The following DLGAP2 variants were observed in gnomAD, a reference collection of about 807,000 sequenced individuals.
DLGAP2 encodes the protein disks large-associated protein 2.
In DLGAP2, 26 loss-of-function variants were observed where a neutral mutation model predicts 100.3. The ratio of observed to expected loss-of-function variants is 0.26; its 90% CI spans 0.19 to 0.36. DLGAP2 has a LOEUF of 0.36. DLGAP2 is among the 10% of genes least tolerant of loss of function. The pLI is 1.00. For synonymous variants in DLGAP2, 886 were observed against 630.1 expected, an observed-to-expected ratio of 1.41 and a Z score of -6.08; for missense variants, 1,858 against 1,453.2, an observed-to-expected ratio of 1.28 and a Z score of -4.53.
At chr8:784,324 T>G (rs980906453) in intron 1 of DLGAP2, among the ~76,000 whole-genome samples, 3 of 152,238 alleles carry the variant, frequency 2.0e-5, no homozygotes, top group Non-Finnish European at 2.9e-5. Context: ...TATTTTGGCT[T>G]TTATATGCAT....
intron 1 of DLGAP2, among the ~76,000 whole-genome samples, chr8:827,836 A>G (rs907902030): frequency 6.6e-6 from 1 of 152,190 alleles, no homozygotes; most frequent in Non-Finnish European, 1.5e-5. Flanking sequence ...CCCGATAATC[A>G]CGTAGGTTCT....
intron 2 of DLGAP2, among the ~76,000 whole-genome samples, chr8:1,180,179 T>A (rs1369935924): frequency 6.6e-6 from 1 of 152,164 alleles, no homozygotes; most frequent in African/African-American, 2.4e-5. Context: ...TTACACTTTT[T>A]TCTGATAAAG....
chr8:850,538 A>G (rs1797166096), intron 1 of DLGAP2, among the ~76,000 whole-genome samples: 1 of 152,178 alleles, frequency 6.6e-6, no homozygotes, highest in African/African-American at 2.4e-5. Context: ...AATTTGTCAG[A>G]GTATGTATCT....
intron 2 of DLGAP2, among the ~76,000 whole-genome samples, chr8:1,147,783 A>C (rs898732137): frequency 6.6e-6 from 1 of 152,162 alleles, no homozygotes; most frequent in Admixed American, 6.5e-5. Flanking sequence ...TTGACTTCCC[A>C]ATACAGTGGT....
Position 1,013,074 on chromosome 8 carries a change from G to A in DLGAP2, c.73+105108G>A, listed in dbSNP as rs1460940482. 7.9e-5 allele frequency among the ~76,000 whole-genome samples: 12 copies of A among 152,034 alleles called. 1 individual carries two copies. Among genetic ancestry groups the A allele is most frequent in the African/African-American group, 2.2e-4 (9 of 41,380 alleles). On this transcript the variant is annotated intron_variant, in intron 2 of 14. Transcript: ENST00000637795. ...GGGGTCTCCATGCTTCCAGCCCTCC[G>A]GCCCCTGGGCACCTATGTTCTTTGT...
At chr8:1,622,760 A>C (rs1452095586) in intron 6 of DLGAP2, among the ~76,000 whole-genome samples, 1 of 152,228 alleles carries the variant, frequency 6.6e-6, no homozygotes, top group Non-Finnish European at 1.5e-5. Context: ...ATATAGCAAA[A>C]TATGTTTCCA....
In DLGAP2 at chr8:962,340, C is replaced by G. The variant is rs1047875403; in HGVS notation, c.73+54374C>G. On this transcript the variant is annotated intron_variant, in intron 2 of 14. Coordinates refer to ENST00000637795, the MANE Select transcript of DLGAP2 (RefSeq NM_001346810.2). The stretch of plus-strand genomic sequence containing the variant: ...GAACACTGAATACAATTAAATTACC[C>G]TCATCAGTGCCATCCGGTCTCCATA... Among the ~76,000 whole-genome samples the G allele has an allele frequency of 2.0e-5, 3 of 152,308 alleles. No homozygotes were observed. The East Asian group carries it at 5.8e-4, about 29-fold the overall frequency.
chr8:1,362,707 C>T (rs1802014344), intron 3 of DLGAP2, among the ~76,000 whole-genome samples: 1 of 152,226 alleles, frequency 6.6e-6, no homozygotes, highest in Admixed American at 6.5e-5. Context: ...CTATTTTCCG[C>T]CCATTTGCTT....
intron 1 of DLGAP2, among the ~76,000 whole-genome samples, chr8:808,741 C>T (rs532310465): frequency 6.6e-6 from 1 of 152,180 alleles, no homozygotes; most frequent in Non-Finnish European, 1.5e-5. Flanking sequence ...GCCAACCCAC[C>T]TCACGCTTGT....
chr8:1,455,218 C>A (rs1036227622), intron 3 of DLGAP2, among the ~76,000 whole-genome samples: 1 of 152,274 alleles, frequency 6.6e-6, no homozygotes, highest in Non-Finnish European at 1.5e-5. Context: ...GGTCACAGCG[C>A]TCCACGTGGA....
intron 1 of DLGAP2, among the ~76,000 whole-genome samples, chr8:853,376 G>T (rs1197023092): frequency 6.6e-6 from 1 of 152,262 alleles, no homozygotes; most frequent in Admixed American, 6.5e-5. Context: ...GCTTGTGAGA[G>T]ACACGGTGCC....
At chr8:1,348,819 A>C (rs1211681076) in intron 3 of DLGAP2, among the ~76,000 whole-genome samples, 2 of 152,242 alleles carry the variant, frequency 1.3e-5, no homozygotes, top group African/African-American at 4.8e-5. Context: ...ATTCAGCACC[A>C]GCCAGTATCA....
At chr8:1,118,004 T>C (rs998215405) in intron 2 of DLGAP2, among the ~76,000 whole-genome samples, 1 of 152,112 alleles carries the variant, frequency 6.6e-6, no homozygotes, top group Non-Finnish European at 1.5e-5. Context: ...ATAAAGCAAA[T>C]TCGTTAATAT....
intron 6 of DLGAP2, among the ~76,000 whole-genome samples, chr8:1,583,226 C>A (rs1796001639): frequency 1.3e-5 from 2 of 152,194 alleles, no homozygotes. Flanking sequence ...GAGATGGCTC[C>A]AAGCCTCTTC....
intron 3 of DLGAP2, among the ~76,000 whole-genome samples, chr8:1,305,508 T>C (rs1486466486): frequency 1.3e-5 from 2 of 152,248 alleles, no homozygotes; most frequent in Non-Finnish European, 2.9e-5. Context: ...CTTTCTGTTC[T>C]GTCTGGGTGT....
chr8:1,413,668 G>C (rs535301156), intron 3 of DLGAP2, among the ~76,000 whole-genome samples: 8 of 152,206 alleles, frequency 5.3e-5, no homozygotes, highest in Admixed American at 4.6e-4. Context: ...TCAATGATTG[G>C]AGTCACTCTT....
chr8:1,610,849 A>T (rs1044765805), intron 6 of DLGAP2, among the ~76,000 whole-genome samples: 1 of 144,286 alleles, frequency 6.9e-6, no homozygotes, highest in Non-Finnish European at 1.5e-5. Flanking sequence ...GAAGAAGTTG[A>T]ATCTCTGAAT....
intron 6 of DLGAP2, among the ~76,000 whole-genome samples, chr8:1,576,426 C>T (rs896850884): frequency 4.6e-5 from 7 of 152,256 alleles, no homozygotes; most frequent in South Asian, 4.1e-4. Flanking sequence ...GTTGCCTGTT[C>T]GCTCTGATAG....
chr8:1,512,723 C>A lies in DLGAP2; in HGVS notation c.172+11292C>A, dbSNP rs182782034. Among the ~76,000 whole-genome samples the A allele has an allele frequency of 7.7e-4, 118 of 152,336 alleles. No homozygotes were observed. The Middle Eastern group carries it at 0.01, about 13-fold the overall frequency. ...GCGTGAGTACCCCAGCTCGCTGTGT[C>A]CATGGAGTAGAGATCTCAGACTTCG... On this transcript the variant is annotated intron_variant, in intron 4 of 14. Coordinates refer to ENST00000637795, the MANE Select transcript of DLGAP2 (RefSeq NM_001346810.2).
Sources: allele counts gnomAD v4.1 joint callset (sites outside exome capture counted in the v4.1 genomes callset), GRCh38; gene constraint gnomAD v4.1.1; transcripts MANE v1.5; gene names NCBI Gene and HGNC (gene_info 2026-07-23, HGNC 2026-07-21).